Variants in DCC observed in about 807,000 individuals in gnomAD.
DCC encodes the protein netrin receptor DCC.
DCC carries 58 observed loss-of-function variants against 172.5 expected under a neutral mutation model. That is an observed-to-expected ratio of 0.34 (90% confidence interval 0.27 to 0.42). DCC has a LOEUF of 0.42. DCC is among the 10% of genes least tolerant of loss of function. The probability of loss-of-function intolerance (pLI) is 1.00; values close to 1 mark genes in which losing one functional copy is unlikely to be tolerated. For synonymous variants in DCC, 709 were observed against 644.5 expected, an observed-to-expected ratio of 1.10 and a Z score of -1.52; for missense variants, 1,740 against 1,791.0, an observed-to-expected ratio of 0.97 and a Z score of 0.51.
At chr18:53,031,982 G>A (rs943481115) in intron 5 of DCC, among the ~76,000 whole-genome samples, 1 of 152,124 alleles carries the variant, frequency 6.6e-6, no homozygotes, top group African/African-American at 2.4e-5. Flanking sequence ...ATATAAGAAT[G>A]TGATATTTTA....
chr18:53,448,049 T>TG (rs1221069617), intron 22 of DCC, among the ~76,000 whole-genome samples: 1 of 144,332 alleles, frequency 6.9e-6, no homozygotes, highest in Non-Finnish European at 1.5e-5. Flanking sequence ...TTTGATGAGT[T>TG]TTTTTTTTTT....
chr18:52,620,106 T>A (rs2144857770), intron 1 of DCC, among the ~76,000 whole-genome samples: 1 of 152,346 alleles, frequency 6.6e-6, no homozygotes, highest in Non-Finnish European at 1.5e-5. Flanking sequence ...GTTAATTAAA[T>A]GGCTCAGGCA....
intron 5 of DCC, among the ~76,000 whole-genome samples, chr18:52,926,911 A>G (rs1237509978): frequency 1.1e-5 from 1 of 94,626 alleles, no homozygotes; most frequent in Non-Finnish European, 2.1e-5. Context: ...GTGTATATAT[A>G]CGTATACATA....
intron 2 of DCC, among the ~76,000 whole-genome samples, chr18:52,836,954 G>T (rs556371831): frequency 7.2e-5 from 11 of 152,316 alleles, no homozygotes; most frequent in African/African-American, 2.6e-4. Context: ...CTGAAATACA[G>T]GCAGAGCTTT....
intron 1 of DCC, among the ~76,000 whole-genome samples, chr18:52,350,858 G>A (rs1316144302): frequency 3.9e-5 from 6 of 152,064 alleles, no homozygotes; most frequent in Non-Finnish European, 7.4e-5. Flanking sequence ...CTGGTGGCCT[G>A]TTGCTGTAAA....
chr18:52,398,769 G>A (rs1598784946), intron 1 of DCC, among the ~76,000 whole-genome samples: 1 of 151,878 alleles, frequency 6.6e-6, no homozygotes, highest in Non-Finnish European at 1.5e-5. Context: ...TTTCCACTGG[G>A]CTTACATATT....
chr18:52,825,904 TTA>T (rs143147483), intron 2 of DCC, among the ~76,000 whole-genome samples: 97 of 152,318 alleles, frequency 6.4e-4, no homozygotes, highest in African/African-American at 2.2e-3. Context: ...CTGTGATGAC[TTA>T]TAGTTTAGAA....
chr18:53,451,003 T>C (rs1302509814), intron 23 of DCC, among the ~76,000 whole-genome samples: 1 of 152,210 alleles, frequency 6.6e-6, no homozygotes, highest in African/African-American at 2.4e-5. Context: ...CCTGAAATCA[T>C]GTACACGAGA....
chr18:52,395,754 C>A (rs1823773011), intron 1 of DCC, among the ~76,000 whole-genome samples: 1 of 151,994 alleles, frequency 6.6e-6, no homozygotes, highest in African/African-American at 2.4e-5. Context: ...TGGGGCATCA[C>A]ATCTATTACG....
In DCC at chr18:52,834,525, T is replaced by A. The variant is rs192865659; in HGVS notation, c.413-71519T>A. ...AACGTTTCCGAACTTTTTGTGTGCC[T>A]AAGGATTGCATGGTGAGCTCGTCTG... is the stretch of plus-strand genomic sequence containing the variant. On this transcript the variant is annotated intron_variant, in intron 2 of 28. Transcript: ENST00000442544. 1.1e-3 allele frequency among the ~76,000 whole-genome samples: 172 copies of A among 152,178 alleles called. 1 individual carries two copies. Among genetic ancestry groups the A allele is most frequent in the African/African-American group, 4.0e-3 (165 of 41,570 alleles).
chr18:52,781,196 T>C (rs1413335926), intron 2 of DCC, among the ~76,000 whole-genome samples: 1 of 152,134 alleles, frequency 6.6e-6, no homozygotes, highest in African/African-American at 2.4e-5. Flanking sequence ...TGAATTCTTC[T>C]TGGTTTCATT....
At chr18:52,400,485 C>T (rs9966431) in intron 1 of DCC, among the ~76,000 whole-genome samples, 21,236 of 152,014 alleles carry the variant, frequency 0.14, 1,611 homozygotes, top group Non-Finnish European at 0.16. Flanking sequence ...AGCACTTTTA[C>T]GCTGTTGGTG....
At chr18:53,015,438 T>G (rs1372272639) in intron 5 of DCC, among the ~76,000 whole-genome samples, 1 of 152,190 alleles carries the variant, frequency 6.6e-6, no homozygotes, top group Non-Finnish European at 1.5e-5. Context: ...TTGAACACTT[T>G]GTTTCTGATG....
chr18:52,656,219 A>G (rs1266696783), intron 1 of DCC, among the ~76,000 whole-genome samples: 1 of 151,838 alleles, frequency 6.6e-6, no homozygotes, highest in Non-Finnish European at 1.5e-5. Context: ...TGATGGTGTT[A>G]GGAGATGGGA....
chr18:52,844,244 G>A (rs2038850038), intron 2 of DCC, among the ~76,000 whole-genome samples: 1 of 152,108 alleles, frequency 6.6e-6, no homozygotes, highest in Non-Finnish European at 1.5e-5. Context: ...TGCCTAGTTA[G>A]GCAAATGCAT....
At chr18:53,200,101 G>A (rs967446828) in intron 9 of DCC, among the ~76,000 whole-genome samples, 3 of 152,294 alleles carry the variant, frequency 2.0e-5, no homozygotes, top group South Asian at 2.1e-4. Context: ...GAAGAGTGCA[G>A]TTGATGCCCA....
chr18:52,709,623 C>T (rs909868004), intron 1 of DCC, among the ~76,000 whole-genome samples: 1 of 152,156 alleles, frequency 6.6e-6, no homozygotes, highest in Admixed American at 6.5e-5. Context: ...GATGCTTTCA[C>T]AGAATGTATG....
chr18:52,825,192 C>T (rs1447529848), intron 2 of DCC, among the ~76,000 whole-genome samples: 2 of 152,136 alleles, frequency 1.3e-5, no homozygotes, highest in African/African-American at 4.8e-5. Context: ...AGAATGGATG[C>T]TAACCATCCT....
intron 12 of DCC, among the ~76,000 whole-genome samples, chr18:53,285,122 C>T (rs753898560): frequency 1.3e-5 from 2 of 152,076 alleles, no homozygotes; most frequent in African/African-American, 2.4e-5. Flanking sequence ...AAAAAAAATC[C>T]GATTTTCTGA....
Sources: gnomAD v4.1 joint callset for allele counts (sites outside exome capture counted in the v4.1 genomes callset) on GRCh38, gnomAD v4.1.1 for gene constraint, MANE v1.5 for transcripts, NCBI Gene and HGNC (gene_info 2026-07-23, HGNC 2026-07-21) for gene names.